Variants in SCML2 observed in about 807,000 individuals in gnomAD.
The protein encoded by SCML2 is sex comb on midleg-like protein 2.
In SCML2, 6 loss-of-function variants were observed where a neutral mutation model predicts 48.4. The ratio of observed to expected loss-of-function variants is 0.12; its 90% CI spans 0.07 to 0.24. The LOEUF is 0.24. Ranked by LOEUF, SCML2 falls within the 10% of genes least tolerant of loss-of-function variation. The pLI is 1.00. For synonymous variants in SCML2, 181 were observed against 189.5 expected (o/e 0.95, Z 0.37); for missense variants, 377 against 528.2 (o/e 0.71, Z 2.81).
chrX:18,303,000 C>G (rs1928641938), intron 7 of SCML2, among the ~76,000 whole-genome samples: 1 of 111,801 alleles, frequency 8.9e-6, no homozygotes, highest in African/African-American at 3.3e-5. Flanking sequence ...CTCTGCTCCA[C>G]CAAGTTCTCA....
chrX:18,295,125 C>T (rs1455060802), intron 7 of SCML2, among the ~76,000 whole-genome samples: 3 of 111,588 alleles, frequency 2.7e-5, no homozygotes. Context: ...GTGGCTGCAG[C>T]TCTCCCAAGC....
At chrX:18,328,231 T>A (rs1007441941) in intron 3 of SCML2, among the ~76,000 whole-genome samples, 1 of 111,690 alleles carries the variant, frequency 9.0e-6, no homozygotes, top group Non-Finnish European at 1.9e-5. Context: ...ACCAGTGCTA[T>A]CCTTGGGATC....
intron 7 of SCML2, among the ~76,000 whole-genome samples, chrX:18,301,065 C>G (rs138136832): frequency 9.0e-5 from 10 of 111,374 alleles, no homozygotes; most frequent in African/African-American, 3.3e-4. Context: ...ACCACAGAAG[C>G]CAGATGGAAG....
chrX:18,341,406 G>A, intron 1 of SCML2: 1 of 231,270 alleles, frequency 4.3e-6, no homozygotes, highest in South Asian at 5.7e-5. Flanking sequence ...TGTGGAGGAA[G>A]AATCACCACA....
chrX:18,252,125 T>G (rs977364371), intron 11 of SCML2, among the ~76,000 whole-genome samples: 2 of 111,506 alleles, frequency 1.8e-5, no homozygotes, highest in Non-Finnish European at 3.8e-5. Context: ...AATACAAAAA[T>G]TAGCTGTGTA....
intron 7 of SCML2, among the ~76,000 whole-genome samples, chrX:18,296,557 C>T (rs535996916): frequency 3.6e-5 from 4 of 111,214 alleles, no homozygotes; most frequent in African/African-American, 1.3e-4. Context: ...ACTACCCAAA[C>T]GAAAAGAGAC....
chrX:18,279,912 G>C (rs937203117), intron 7 of SCML2, among the ~76,000 whole-genome samples: 20 of 111,981 alleles, frequency 1.8e-4, no homozygotes, highest in Non-Finnish European at 2.8e-4. Flanking sequence ...TCTGAGAGAG[G>C]ACAGAGAATA....
chrX:18,279,048 CA>C (rs1221407968), intron 7 of SCML2, among the ~76,000 whole-genome samples: 2 of 112,568 alleles, frequency 1.8e-5, no homozygotes, highest in Non-Finnish European at 3.8e-5. Context: ...GAAAACCTAA[CA>C]AAAGAATCAC....
chrX:18,276,798 A>C (rs1927657254), intron 7 of SCML2, among the ~76,000 whole-genome samples: 1 of 111,679 alleles, frequency 9.0e-6, no homozygotes, highest in Non-Finnish European at 1.9e-5. Context: ...TAGAGACAGA[A>C]TATAGATTGG....
chrX:18,281,197 T>G (rs1216688087), intron 7 of SCML2, among the ~76,000 whole-genome samples: 2 of 112,742 alleles, frequency 1.8e-5, no homozygotes, highest in Admixed American at 9.3e-5. Context: ...ACTACCAAGA[T>G]CTCTCAAAAC....
chrX:18,269,480 G>A (rs888794816), intron 7 of SCML2, among the ~76,000 whole-genome samples: 7 of 112,064 alleles, frequency 6.2e-5, no homozygotes, highest in African/African-American at 2.3e-4. Context: ...TGAACTGTGA[G>A]TCAATTAAAC....
intron 5 of SCML2, 77 bp from the exon 6 acceptor site, chrX:18,320,497 T>C: frequency 1.7e-6 from 1 of 595,873 alleles, no homozygotes; most frequent in East Asian, 3.4e-5. Flanking sequence ...AAAAAATAGG[T>C]TTCATTCACC....
intron 7 of SCML2, among the ~76,000 whole-genome samples, chrX:18,271,603 G>A (rs1927463444): frequency 1.8e-5 from 2 of 110,078 alleles, no homozygotes; most frequent in African/African-American, 3.3e-5. Context: ...ATATTAACAA[G>A]CAGAGTATCC....
chrX:18,349,201 TA>T (rs1193080763), intron 1 of SCML2, among the ~76,000 whole-genome samples: 1 of 112,079 alleles, frequency 8.9e-6, no homozygotes, highest in African/African-American at 3.2e-5. Flanking sequence ...ACGTTACCAC[TA>T]AAAGTGGGCA....
At chrX:18,295,903 G>T (rs1217759163) in intron 7 of SCML2, among the ~76,000 whole-genome samples, 1 of 111,903 alleles carries the variant, frequency 8.9e-6, no homozygotes, top group Non-Finnish European at 1.9e-5. Flanking sequence ...ACTACTTCAT[G>T]CACTCAGAAT....
At chrX:18,257,944 G>GGGAAGGGGAGA (rs1243513218) in intron 10 of SCML2, 100 bp downstream of exon 10, 15 of 499,460 alleles carry the variant, frequency 3.0e-5, no homozygotes, top group Non-Finnish European at 4.3e-5. Flanking sequence ...GAGGGGAAAG[G>GGGAAGGGGAGA]GGAAGGGGAG....
In SCML2 at chrX:18,324,927, G is replaced by A. The variant is rs1307940614; in HGVS notation, c.142C>T (p.Pro48Ser). The A allele has an allele frequency of 8.3e-7, 1 of 1,200,728 alleles. No homozygotes were observed. Among genetic ancestry groups the A allele is most frequent in the African/African-American group, 1.8e-5 (1 of 56,930 alleles). The change falls in exon 4 of 15, where the codon CCT (proline) becomes TCT (serine). Residue 48 changes from proline to serine, a missense_variant. Around this residue, in one of 3 missense-constraint regions of SCML2, gnomAD observed 61 missense variants for 59.9 expected, o/e 1.02. Coordinates refer to ENST00000251900, the MANE Select transcript of SCML2 (RefSeq NM_006089.3). ...YLKETGSISA[P>S]SECFRQSQIP... is the part of the protein sequence containing the mutation. ...CATACCTGACGGAAGCACTCTGAAG[G>A]AGCACTTATAGACCCAGTCTCTTTC...
At chrX:18,327,207 TA>T (rs1190700531) in intron 3 of SCML2, among the ~76,000 whole-genome samples, 82 of 101,050 alleles carry the variant, frequency 8.1e-4, no homozygotes, top group Admixed American at 1.3e-3. Flanking sequence ...CCGTTTCTAC[TA>T]AAAAAAAAAA....
chrX:18,336,162 T>C (rs1390894337), intron 1 of SCML2, among the ~76,000 whole-genome samples: 1 of 111,692 alleles, frequency 9.0e-6, no homozygotes, highest in Non-Finnish European at 1.9e-5. Flanking sequence ...AATGATCCCA[T>C]TGGCGGGCAT....
Sources: allele counts gnomAD v4.1 joint callset (sites outside exome capture counted in the v4.1 genomes callset), GRCh38; gene constraint gnomAD v4.1.1; regional missense constraint gnomAD v4.1.1; transcripts MANE v1.5; gene names NCBI Gene and HGNC (gene_info 2026-07-23, HGNC 2026-07-21).